The following KCNMB2 variants were observed in gnomAD, a reference collection of about 807,000 sequenced individuals.
KCNMB2 encodes the protein potassium calcium-activated channel subfamily M regulatory beta subunit 2, also known as calcium-activated potassium channel subunit beta-2.
A neutral mutation model predicts 24.5 loss-of-function variants in KCNMB2; 9 were observed. The observed-to-expected ratio is 0.37, with a 90% CI of 0.22 to 0.64. The LOEUF (loss-of-function observed/expected upper bound fraction) is 0.64, where lower values mean the gene tolerates loss of function less well. KCNMB2 is among the 30% of genes least tolerant of loss of function. The probability of loss-of-function intolerance (pLI) is 0.63; values close to 1 mark genes in which losing one functional copy is unlikely to be tolerated. For synonymous variants in KCNMB2, 109 were observed against 104.4 expected (o/e 1.04, Z -0.27); for missense variants, 226 against 284.3 (o/e 0.79, Z 1.47).
rs546920425 is a variant in KCNMB2 at position 178,835,879 on chromosome 3, T to C, written c.424-6774T>C. ...ATTTCATCACCCATCTGTGTTTTTT[T>C]CTGTTTCGCTATACATTCTATATTG... is the stretch of plus-strand genomic sequence containing the variant. On this transcript the variant is annotated intron_variant, in intron 4 of 4. Coordinates refer to ENST00000452583, the MANE Select transcript of KCNMB2 (RefSeq NM_181361.3). Among the ~76,000 whole-genome samples the C allele has an allele frequency of 1.1e-3, 171 of 152,316 alleles. 1 individual carries two copies. Among genetic ancestry groups the C allele is most frequent in the African/African-American group, 4.1e-3 (169 of 41,580 alleles).
chr3:178,671,984 T>C (rs1473422620), intron 1 of KCNMB2, among the ~76,000 whole-genome samples: 2 of 152,120 alleles, frequency 1.3e-5, no homozygotes, highest in African/African-American at 4.8e-5. Context: ...CATGAAATCT[T>C]TTCTAGTAAT....
intron 1 of KCNMB2, among the ~76,000 whole-genome samples, chr3:178,580,093 G>A (rs1229044923): frequency 6.6e-6 from 1 of 151,930 alleles, no homozygotes; most frequent in Non-Finnish European, 1.5e-5. Flanking sequence ...CCAATATCAG[G>A]CCTGATGAAC....
At chr3:178,678,958 C>T (rs1022773125) in intron 1 of KCNMB2, among the ~76,000 whole-genome samples, 1 of 151,396 alleles carries the variant, frequency 6.6e-6, no homozygotes, top group Non-Finnish European at 1.5e-5. Context: ...TCGTACCCTT[C>T]TTAACATTTA....
chr3:178,746,047 C>T (rs1559999435), intron 1 of KCNMB2, among the ~76,000 whole-genome samples: 1 of 152,210 alleles, frequency 6.6e-6, no homozygotes, highest in Non-Finnish European at 1.5e-5. Flanking sequence ...TTTCTCACAG[C>T]TCCACTAGGT....
chr3:178,693,761 A>T (rs1368082970), intron 1 of KCNMB2, among the ~76,000 whole-genome samples: 4 of 152,110 alleles, frequency 2.6e-5, no homozygotes, highest in Admixed American at 1.3e-4. Context: ...GGCCTCCTAC[A>T]ATGAGTTAGG....
At chr3:178,562,273 A>G (rs1716350178) in intron 1 of KCNMB2, among the ~76,000 whole-genome samples, 1 of 152,234 alleles carries the variant, frequency 6.6e-6, no homozygotes, top group Admixed American at 6.5e-5. Context: ...TCTATGAAAT[A>G]GGTCTTAGTA....
chr3:178,574,469 C>T (rs982948258), intron 1 of KCNMB2, among the ~76,000 whole-genome samples: 2 of 152,208 alleles, frequency 1.3e-5, no homozygotes, highest in Admixed American at 6.5e-5. Context: ...CAACTGCTTT[C>T]TATTCATGTT....
At chr3:178,610,772 C>T (rs1718453484) in intron 1 of KCNMB2, among the ~76,000 whole-genome samples, 1 of 152,190 alleles carries the variant, frequency 6.6e-6, no homozygotes, top group Non-Finnish European at 1.5e-5. Flanking sequence ...GCTAGGATCT[C>T]CAGTACTATT....
At chr3:178,770,266 C>T (rs1712289867) in intron 1 of KCNMB2, among the ~76,000 whole-genome samples, 1 of 152,164 alleles carries the variant, frequency 6.6e-6, no homozygotes, top group South Asian at 2.1e-4. Context: ...AAGACAGGGC[C>T]CATATTCTCA....
chr3:178,840,369 G>A (rs758101130), intron 4 of KCNMB2, among the ~76,000 whole-genome samples: 25 of 152,274 alleles, frequency 1.6e-4, no homozygotes, highest in Admixed American at 6.5e-4. Context: ...GCAAGCTGTC[G>A]GTGGATCTAT....
At chr3:178,548,916 T>C (rs1347431273) in intron 1 of KCNMB2, among the ~76,000 whole-genome samples, 2 of 152,222 alleles carry the variant, frequency 1.3e-5, no homozygotes, top group Non-Finnish European at 2.9e-5. Flanking sequence ...ATCTAGTGCA[T>C]GTCCTTGGGC....
rs1306790572 is a variant in KCNMB2, at chr3:178,807,561, T to C, written c.56+96T>C. The stretch of plus-strand genomic sequence containing the variant: ...GAAAGTAGTAGGCAACTGAGCCTTA[T>C]GCTTTGCAATGTGGGGACAGACTCT... On this transcript the variant is annotated intron_variant, in intron 2 of 4. Transcript: ENST00000452583. 1.3e-5 allele frequency: 13 copies of C among 1,018,878 alleles called. No individual in the cohort carries two copies. The Middle Eastern group carries it at 6.2e-4, about 48-fold the overall frequency. 63.1% of individuals were successfully genotyped at this position (1,018,878 alleles called of 1,614,324 possible). A position where few individuals can be genotyped will look rare whatever the true frequency, so the allele number is the denominator to read the frequency against.
At chr3:178,771,197 G>A (rs548297864) in intron 1 of KCNMB2, among the ~76,000 whole-genome samples, 47 of 152,002 alleles carry the variant, frequency 3.1e-4, no homozygotes, top group African/African-American at 1.0e-3. Context: ...CATCTCCAAC[G>A]CTACCCTACT....
intron 1 of KCNMB2, among the ~76,000 whole-genome samples, chr3:178,783,594 G>C (rs1459942749): frequency 6.8e-6 from 1 of 146,322 alleles, no homozygotes; most frequent in East Asian, 2.0e-4. Context: ...CTCTCTGTTT[G>C]TCTGTTGTTG....
At chr3:178,613,702 G>A (rs1328176173) in intron 1 of KCNMB2, among the ~76,000 whole-genome samples, 1 of 152,160 alleles carries the variant, frequency 6.6e-6, no homozygotes, top group African/African-American at 2.4e-5. Context: ...AGGTATTGGA[G>A]CTCCATTATA....
chr3:178,797,187 A>T (rs75554064), intron 1 of KCNMB2, among the ~76,000 whole-genome samples: 4,223 of 152,260 alleles, frequency 0.028, 91 homozygotes, highest in Middle Eastern at 0.071. Flanking sequence ...TTGAACCAGA[A>T]AGGAACTCAA....
chr3:178,830,156 C>T (rs1472566492), intron 4 of KCNMB2, among the ~76,000 whole-genome samples: 6 of 152,268 alleles, frequency 3.9e-5, no homozygotes, highest in African/African-American at 1.4e-4. Flanking sequence ...TATCCTTAAA[C>T]ATATATATTT....
intron 1 of KCNMB2, among the ~76,000 whole-genome samples, chr3:178,677,403 A>T (rs1721106832): frequency 6.6e-6 from 1 of 152,236 alleles, no homozygotes; most frequent in Non-Finnish European, 1.5e-5. Context: ...ACAAGAAGAC[A>T]TGAGGAGGGA....
chr3:178,803,950 T>C (rs1254934293), intron 1 of KCNMB2, among the ~76,000 whole-genome samples: 3 of 152,212 alleles, frequency 2.0e-5, no homozygotes, highest in Non-Finnish European at 2.9e-5. Context: ...TGAGATTATA[T>C]CTTTAAGCTT....
Sources: allele counts gnomAD v4.1 joint callset (sites outside exome capture counted in the v4.1 genomes callset), GRCh38; gene constraint gnomAD v4.1.1; transcripts MANE v1.5; gene names NCBI Gene and HGNC (gene_info 2026-07-23, HGNC 2026-07-21).